RASSF3: variants seen among roughly 807,000 people sequenced by gnomAD.
RASSF3 encodes the protein Ras association domain family member 3.
A neutral mutation model predicts 19.9 loss-of-function variants in RASSF3; 19 were observed. The observed-to-expected ratio is 0.96, with a 90% confidence interval of 0.67 to 1.40. The LOEUF (loss-of-function observed/expected upper bound fraction) is 1.40. Among genes scored for constraint, RASSF3 ranks in the 40% most tolerant of loss-of-function variants. The pLI is 0.00. For synonymous variants in RASSF3, 110 were observed against 104.2 expected (o/e 1.06, Z -0.34); for missense variants, 306 against 289.8 (o/e 1.06, Z -0.41).
At chr12:64,604,937 CCT>C (rs1180381831) in intron 2 of RASSF3, among the ~76,000 whole-genome samples, 7 of 151,410 alleles carry the variant, frequency 4.6e-5, no homozygotes, top group Admixed American at 1.3e-4. Context: ...GTAACCAACT[CCT>C]ATCATCTTTG....
At chr12:64,635,444 A>C (rs917363848) in intron 1 of RASSF3, among the ~76,000 whole-genome samples, 1 of 152,234 alleles carries the variant, frequency 6.6e-6, no homozygotes, top group African/African-American at 2.4e-5. Flanking sequence ...AAAGTCATAA[A>C]GAGCCATTTA....
chr12:64,519,359 AT>A (rs1204306387), intron 1 of RASSF3, among the ~76,000 whole-genome samples: 2 of 152,084 alleles, frequency 1.3e-5, no homozygotes, highest in African/African-American at 4.8e-5. Flanking sequence ...GTGAGCCAAG[AT>A]CGTGCCACTG....
At chr12:64,511,286 C>T (rs895155628) in intron 1 of RASSF3, among the ~76,000 whole-genome samples, 13 of 152,102 alleles carry the variant, frequency 8.5e-5, no homozygotes, top group African/African-American at 3.1e-4. Flanking sequence ...TTTTTAGAAA[C>T]AAATATGAGA....
intron 1 of RASSF3, among the ~76,000 whole-genome samples, chr12:64,631,875 T>A (rs557026241): frequency 3.8e-4 from 58 of 152,178 alleles, no homozygotes; most frequent in South Asian, 2.5e-3. Flanking sequence ...ATACCCGGCC[T>A]GTTTTTTATT....
At chr12:64,547,935 T>C (rs1180667920) in intron 2 of RASSF3, among the ~76,000 whole-genome samples, 6 of 152,208 alleles carry the variant, frequency 3.9e-5, no homozygotes, top group Admixed American at 3.3e-4. Flanking sequence ...TTGCCCTTAG[T>C]ATTTTAGTGT....
intron 1 of RASSF3, among the ~76,000 whole-genome samples, chr12:64,661,029 T>C (rs1281256618): frequency 6.6e-6 from 1 of 152,180 alleles, no homozygotes; most frequent in Non-Finnish European, 1.5e-5. Flanking sequence ...TGTTTCCAAG[T>C]TGAGGCTTGA....
intron 1 of RASSF3, among the ~76,000 whole-genome samples, chr12:64,522,417 A>G (rs1044657332): frequency 5.3e-5 from 8 of 152,152 alleles, no homozygotes; most frequent in Admixed American, 5.2e-4. Flanking sequence ...GGCATGCCCA[A>G]TGCTGATGAT....
rs905243105 is a variant in RASSF3 at position 64,653,140 on chromosome 12, A to T, written c.112-31647A>T. On this transcript the variant is annotated intron_variant, in intron 1 of 4. Transcript: ENST00000542104. ...TTGGAGTACAGTGGTGTGATCATGA[A>T]TCGTTGCAGCCTTGATCTTCCAGGC... Among the ~76,000 whole-genome samples, 9 of 152,248 alleles carry T rather than the reference A, an allele frequency of 5.9e-5. No individual in the cohort carries two copies. In the East Asian group the frequency reaches 1.7e-3, roughly 29 times the overall value.
intron 2 of RASSF3, among the ~76,000 whole-genome samples, chr12:64,590,228 T>A (rs1869896113): frequency 6.7e-6 from 1 of 149,478 alleles, no homozygotes; most frequent in Non-Finnish European, 1.5e-5. Context: ...CAAAAGACCC[T>A]GTCAAAAAAA....
intron 2 of RASSF3, among the ~76,000 whole-genome samples, chr12:64,580,947 A>T (rs1869684535): frequency 6.8e-6 from 1 of 147,264 alleles, no homozygotes; most frequent in Non-Finnish European, 1.5e-5. Flanking sequence ...AGGGGTTAAG[A>T]CTTCATATCT....
At chr12:64,508,733 A>C (rs1301417404) in intron 1 of RASSF3, among the ~76,000 whole-genome samples, 1 of 151,868 alleles carries the variant, frequency 6.6e-6, no homozygotes, top group Non-Finnish European at 1.5e-5. Context: ...AAAAATACAA[A>C]ATTAGCTGGG....
At chr12:64,517,083 C>A (rs116885737) in intron 1 of RASSF3, among the ~76,000 whole-genome samples, 1,726 of 144,838 alleles carry the variant, frequency 0.012, 20 homozygotes, top group Non-Finnish European at 0.019. Flanking sequence ...TATACCATAA[C>A]TAATAGTTTT....
At chr12:64,548,103 C>T (rs1021538661) in intron 2 of RASSF3, among the ~76,000 whole-genome samples, 3 of 152,120 alleles carry the variant, frequency 2.0e-5, no homozygotes, top group Admixed American at 1.3e-4. Context: ...AAAAAGTGAG[C>T]TCTAAGGTGT....
intron 1 of RASSF3, among the ~76,000 whole-genome samples, chr12:64,620,972 G>A (rs986735470): frequency 6.6e-6 from 1 of 151,586 alleles, no homozygotes; most frequent in Non-Finnish European, 1.5e-5. Context: ...AGTTTTACTC[G>A]TCACCCAGGC....
chr12:64,674,005 A>C (rs1872791853), intron 1 of RASSF3, among the ~76,000 whole-genome samples: 1 of 152,104 alleles, frequency 6.6e-6, no homozygotes. Flanking sequence ...GGGGTTTAAA[A>C]AGTGAGGTCA....
Position 64,688,415 on chromosome 12 carries a change from A to G in RASSF3, c.419A>G (p.Lys140Arg). Reference sequence around the variant, plus strand: ...TTTCTCGTGACTGAGAGCCCTGCCAAGTTTGCACTTTATAAGCGTTGTCAC... The same window carrying G: ...TTTCTCGTGACTGAGAGCCCTGCCAGGTTTGCACTTTATAAGCGTTGTCAC... ...KKFLVTESPA[K>R]FALYKRCHRE... is the part of the protein sequence containing the mutation. Residue 140 changes from lysine to arginine, a missense_variant, in exon 3 of 5, where the codon AAG becomes AGG. Coordinates refer to ENST00000542104, the MANE Select transcript of RASSF3 (RefSeq NM_178169.4). The G allele has an allele frequency of 6.2e-7, 1 of 1,614,182 alleles. No homozygotes were observed. The highest frequency in any genetic ancestry group is 8.5e-7 in the Non-Finnish European group (1 of 1,180,022).
chr12:64,668,273 T>TCTTCTTCTTC (rs201241235), intron 1 of RASSF3, among the ~76,000 whole-genome samples: 6 of 132,392 alleles, frequency 4.5e-5, no homozygotes, highest in East Asian at 2.0e-4. Context: ...TTCTTCTTCT[T>TCTTCTTCTTC]TTTTTTTTTT....
chr12:64,523,776 C>T (rs1868526788), intron 1 of RASSF3, among the ~76,000 whole-genome samples: 1 of 150,322 alleles, frequency 6.7e-6, no homozygotes, highest in African/African-American at 2.5e-5. Context: ...GGTGTGATCA[C>T]AGTGCCTTGC....
At chr12:64,590,613 A>G (rs1467663118) in intron 2 of RASSF3, among the ~76,000 whole-genome samples, 1 of 152,234 alleles carries the variant, frequency 6.6e-6, no homozygotes, top group African/African-American at 2.4e-5. Flanking sequence ...CTATTTAACC[A>G]GAGTGCTGGA....
Sources: gnomAD v4.1 joint callset for allele counts (sites outside exome capture counted in the v4.1 genomes callset) on GRCh38, gnomAD v4.1.1 for gene constraint, MANE v1.5 for transcripts, NCBI Gene and HGNC (gene_info 2026-07-23, HGNC 2026-07-21) for gene names.